The following CHCHD3 variants were observed in gnomAD, a reference collection of about 807,000 sequenced individuals.
CHCHD3 encodes the protein coiled-coil-helix-coiled-coil-helix domain containing 3, also known as MICOS complex subunit MIC19.
Under a neutral mutation model 38.2 loss-of-function variants are expected in CHCHD3, and 20 were observed. The ratio of observed to expected loss-of-function variants is 0.52; its 90% CI spans 0.37 to 0.76. The LOEUF (loss-of-function observed/expected upper bound fraction) is 0.76, where lower values mean the gene tolerates loss of function less well. Ranked by LOEUF, CHCHD3 falls within the 30% of genes least tolerant of loss-of-function variation. The pLI, the probability that CHCHD3 is intolerant of heterozygous loss-of-function variation, is 0.00. For synonymous variants in CHCHD3, 82 were observed against 100.0 expected, an observed-to-expected ratio of 0.82 and a Z score of 1.07; for missense variants, 245 against 279.2, an observed-to-expected ratio of 0.88 and a Z score of 0.87.
intron 5 of CHCHD3, among the ~76,000 whole-genome samples, chr7:132,841,620 G>A (rs1698491776): frequency 6.6e-6 from 1 of 152,168 alleles, no homozygotes. Context: ...AAAGTGAAAA[G>A]TAATGAACAA....
chr7:133,036,581 A>G (rs1278959684), intron 2 of CHCHD3, among the ~76,000 whole-genome samples: 1 of 152,160 alleles, frequency 6.6e-6, no homozygotes, highest in African/African-American at 2.4e-5. Context: ...GCTCAATGAA[A>G]AGTATTCATG....
chr7:132,785,786 C>T, intron 7 of CHCHD3, 126 bp from the exon 8 acceptor site: 1 of 967,276 alleles, frequency 1.0e-6, no homozygotes, highest in Non-Finnish European at 1.6e-6. Flanking sequence ...GAAAACAAGG[C>T]ATATGCTTCC....
At chr7:132,982,334 G>A (rs559244495) in intron 3 of CHCHD3, among the ~76,000 whole-genome samples, 4 of 152,292 alleles carry the variant, frequency 2.6e-5, no homozygotes, top group Non-Finnish European at 4.4e-5. Flanking sequence ...TCCCAGGCTA[G>A]AGTGCAGTGG....
intron 4 of CHCHD3, among the ~76,000 whole-genome samples, chr7:132,924,628 T>C (rs888846846): frequency 1.3e-5 from 2 of 152,200 alleles, no homozygotes; most frequent in Non-Finnish European, 2.9e-5. Flanking sequence ...ATTCAAAATT[T>C]TCATGATGCC....
At chr7:133,057,361 A>G (rs1198232066) in intron 2 of CHCHD3, among the ~76,000 whole-genome samples, 1 of 152,168 alleles carries the variant, frequency 6.6e-6, no homozygotes, top group Non-Finnish European at 1.5e-5. Context: ...CAGGAGTTTG[A>G]GACCAGCCTG....
chr7:132,951,859 TA>T (rs1030879086), intron 4 of CHCHD3, among the ~76,000 whole-genome samples: 1 of 152,180 alleles, frequency 6.6e-6, no homozygotes, highest in Non-Finnish European at 1.5e-5. Flanking sequence ...GGTGACTAGC[TA>T]AACATCACAA....
intron 2 of CHCHD3, among the ~76,000 whole-genome samples, chr7:133,052,517 A>G (rs1007043516): frequency 7.2e-5 from 11 of 152,248 alleles, no homozygotes; most frequent in African/African-American, 2.4e-4. Flanking sequence ...TGGGCAAAAC[A>G]GCAAGCAGGA....
intron 4 of CHCHD3, among the ~76,000 whole-genome samples, chr7:132,916,152 G>C (rs934165808): frequency 1.3e-5 from 2 of 151,892 alleles, no homozygotes; most frequent in African/African-American, 4.8e-5. Flanking sequence ...TCTCATCTCT[G>C]AATTCCATTT....
At chr7:133,019,824 C>T (rs1382181253) in intron 3 of CHCHD3, among the ~76,000 whole-genome samples, 1 of 152,156 alleles carries the variant, frequency 6.6e-6, no homozygotes, top group East Asian at 1.9e-4. Context: ...ATTTTTCTAG[C>T]TGTCAAAGAC....
chr7:132,957,159 T>A (rs1811196170), intron 4 of CHCHD3, among the ~76,000 whole-genome samples: 1 of 152,208 alleles, frequency 6.6e-6, no homozygotes, highest in African/African-American at 2.4e-5. Flanking sequence ...TGGAGGCTGG[T>A]TCTGACTCTT....
intron 4 of CHCHD3, among the ~76,000 whole-genome samples, chr7:132,937,867 G>C (rs560168545): frequency 2.0e-5 from 3 of 152,290 alleles, no homozygotes; most frequent in Non-Finnish European, 4.4e-5. Flanking sequence ...ATTTCAGCCT[G>C]TGCTACATAA....
intron 4 of CHCHD3, among the ~76,000 whole-genome samples, chr7:132,921,064 A>G (rs1294517605): frequency 6.6e-6 from 1 of 152,196 alleles, no homozygotes; most frequent in East Asian, 1.9e-4. Context: ...CCATTTCCTC[A>G]AGATAAATCA....
chr7:133,065,207 T>C (rs1429285628), intron 2 of CHCHD3, among the ~76,000 whole-genome samples: 1 of 152,236 alleles, frequency 6.6e-6, no homozygotes, highest in African/African-American at 2.4e-5. Context: ...CATTCATTTA[T>C]TAAAGTGGCA....
At chr7:133,014,079 T>G (rs1433458725) in intron 3 of CHCHD3, among the ~76,000 whole-genome samples, 1 of 152,166 alleles carries the variant, frequency 6.6e-6, no homozygotes, top group Non-Finnish European at 1.5e-5. Flanking sequence ...ATCATTTGGT[T>G]TTAATCCAAC....
intron 5 of CHCHD3, among the ~76,000 whole-genome samples, chr7:132,865,723 C>G (rs549348590): frequency 6.6e-6 from 1 of 152,066 alleles, no homozygotes. Flanking sequence ...CTGCTTCTAA[C>G]GAGCAAAGGC....
In CHCHD3 at chr7:133,058,905, C is replaced by T. The variant is rs988461985; in HGVS notation, c.169+11237G>A. Among the ~76,000 whole-genome samples, 3 of 152,350 alleles carry T rather than the reference C, an allele frequency of 2.0e-5. No homozygotes were observed. In the South Asian group the frequency reaches 6.2e-4, roughly 32 times the overall value. On this transcript the variant is annotated intron_variant, in intron 2 of 7. Coordinates refer to ENST00000262570, the MANE Select transcript of CHCHD3 (RefSeq NM_017812.4). ...ATTAGTTAGGGCTCCTCAGATGCTT[C>T]TGTGTGTTTGAGCACACGGGGAGCT...
chr7:132,819,670 CAT>C (rs1432660000), intron 6 of CHCHD3, among the ~76,000 whole-genome samples: 1 of 152,286 alleles, frequency 6.6e-6, no homozygotes, highest in East Asian at 1.9e-4. Context: ...GCTGGAGTGA[CAT>C]AAACACACAG....
At chr7:132,977,898 A>G (rs1811813058) in intron 3 of CHCHD3, among the ~76,000 whole-genome samples, 1 of 152,224 alleles carries the variant, frequency 6.6e-6, no homozygotes, top group East Asian at 1.9e-4. Flanking sequence ...ATGAAAAAGA[A>G]GCAAAACATG....
chr7:132,870,547 ATATTT>A (rs1808741856), intron 5 of CHCHD3, among the ~76,000 whole-genome samples: 1 of 152,042 alleles, frequency 6.6e-6, no homozygotes, highest in Non-Finnish European at 1.5e-5. Flanking sequence ...TTAACACATA[ATATTT>A]TATTTAATCT....
Sources: gnomAD v4.1 joint callset for allele counts (sites outside exome capture counted in the v4.1 genomes callset) on GRCh38, gnomAD v4.1.1 for gene constraint, MANE v1.5 for transcripts, NCBI Gene and HGNC (gene_info 2026-07-23, HGNC 2026-07-21) for gene names.